The following RCOR3 variants were observed in gnomAD, a reference collection of about 807,000 sequenced individuals.
RCOR3 encodes the protein REST corepressor 3.
RCOR3 carries 13 observed loss-of-function variants against 64.1 expected under a neutral mutation model. That is an observed-to-expected ratio of 0.20 (90% CI 0.13 to 0.32). The LOEUF (loss-of-function observed/expected upper bound fraction) is 0.32, where lower values mean the gene tolerates loss of function less well. RCOR3 is among the 10% of genes least tolerant of loss of function. RCOR3 has a pLI of 1.00. For missense variants in RCOR3, 489 were observed against 701.2 expected, an observed-to-expected ratio of 0.70 and a Z score of 3.42; for synonymous variants, 215 against 239.0, an observed-to-expected ratio of 0.90 and a Z score of 0.93.
In RCOR3 at chr1:211,271,159, C is replaced by G. The variant is rs555014711; in HGVS notation, c.224-73C>G. 2.8e-3 allele frequency: 3,900 copies of G among 1,404,818 alleles called. 8 individuals are homozygous for G. The highest frequency in any genetic ancestry group is 3.3e-3 in the Non-Finnish European group (3,305 of 996,796). The allele number at this position is 1,404,818 out of a possible 1,614,324, so 87.0% of individuals were successfully genotyped here. Reference sequence around the variant, plus strand: ...GGCATGAGCCACCGTGCCTGGGCAGCTTACTTTGTTTCTACTTATTTTCAG... The same window carrying G: ...GGCATGAGCCACCGTGCCTGGGCAGGTTACTTTGTTTCTACTTATTTTCAG... On this transcript the variant is annotated intron_variant, in intron 2 of 11. Coordinates refer to ENST00000419091, the MANE Select transcript of RCOR3 (RefSeq NM_001136223.3).
At chr1:211,295,839 A>G (rs1699811704) in intron 9 of RCOR3, 86 bp downstream of exon 9, 1 of 893,268 alleles carries the variant, frequency 1.1e-6, no homozygotes, top group African/African-American at 1.7e-5. Context: ...TTTTGGTCAC[A>G]TGCATCATTA....
intron 10 of RCOR3, among the ~76,000 whole-genome samples, chr1:211,308,620 A>G (rs1701106099): frequency 6.8e-6 from 1 of 148,074 alleles, no homozygotes; most frequent in Admixed American, 6.7e-5. Context: ...CTGAAATTTC[A>G]CTACCCATAA....
intron 10 of RCOR3, among the ~76,000 whole-genome samples, chr1:211,306,461 T>A (rs1452141532): frequency 6.6e-6 from 1 of 152,168 alleles, no homozygotes; most frequent in African/African-American, 2.4e-5. Context: ...TATAGCACTT[T>A]ATATTCAAGA....
intron 4 of RCOR3, among the ~76,000 whole-genome samples, chr1:211,275,378 T>A (rs1221521241): frequency 6.6e-6 from 1 of 152,104 alleles, no homozygotes; most frequent in Non-Finnish European, 1.5e-5. Context: ...ATTTTGTTTT[T>A]AAGCCTTGTC....
At chr1:211,298,508 A>G (rs1389163974) in intron 9 of RCOR3, among the ~76,000 whole-genome samples, 1 of 152,224 alleles carries the variant, frequency 6.6e-6, no homozygotes, top group African/African-American at 2.4e-5. Context: ...TTATGTGCTC[A>G]TTATTGTGCT....
In RCOR3 at chr1:211,274,478, T is replaced by C. The variant is rs117821207; in HGVS notation, c.354+216T>C. Among the ~76,000 whole-genome samples, 107 of 152,250 alleles carry C rather than the reference T, an allele frequency of 7.0e-4. 1 individual carries two copies. The East Asian group carries it at 7.1e-3, about 10-fold the overall frequency. ...GGGCTTAAATGTTTTTCTTTCAATA[T>C]ATCTGTTTCTTATTCTACTTTGAGT... On this transcript the variant is annotated intron_variant, in intron 4 of 11. Coordinates refer to ENST00000419091, the MANE Select transcript of RCOR3 (RefSeq NM_001136223.3).
At position 211,312,129 on chromosome 1, in the gene RCOR3, G is replaced by C. The variant is rs1014709494; in HGVS notation, c.1076-591G>C. On this transcript the variant is annotated intron_variant, in intron 10 of 11. Transcript: ENST00000419091. The surrounding 1 kb of genome is among the most constrained non-coding windows in gnomAD (Gnocchi z 5.0). ...CTCTTTTTTCAAAATCCACCAACTT[G>C]TGATGATTCTCCTGCTTTTCATGTT... is the stretch of plus-strand genomic sequence containing the variant. 3 of 204,478 alleles carry C rather than the reference G, an allele frequency of 1.5e-5. No homozygotes were observed. Among genetic ancestry groups the C allele is most frequent in the African/African-American group, 6.9e-5 (3 of 43,328 alleles). 12.7% of individuals were successfully genotyped at this position (204,478 alleles called of 1,614,324 possible).
chr1:211,259,802 C>T, intron 1 of RCOR3, 76 bp downstream of exon 1: 2 of 1,276,596 alleles, frequency 1.6e-6, no homozygotes, highest in Non-Finnish European at 2.1e-6. Flanking sequence ...CCTCCCCTCG[C>T]CGCTCTCCCG....
intron 9 of RCOR3, among the ~76,000 whole-genome samples, chr1:211,298,035 T>G (rs1213455076): frequency 6.6e-6 from 1 of 152,220 alleles, no homozygotes; most frequent in African/African-American, 2.4e-5. Context: ...GAAAGTCCAT[T>G]CACTTCCACA....
In RCOR3 at chr1:211,312,310, C is replaced by T. The variant is rs1256236478; in HGVS notation, c.1076-410C>T. The T allele has an allele frequency of 6.6e-6, 3 of 457,534 alleles. No individual in the cohort carries two copies. The highest frequency in any genetic ancestry group is 1.3e-5 in the Non-Finnish European group (3 of 227,932). 28.3% of individuals were successfully genotyped at this position (457,534 alleles called of 1,614,324 possible). On this transcript the variant is annotated intron_variant, in intron 10 of 11. Transcript: ENST00000419091. This position sits in a 1 kb window ranked among gnomAD's most constrained non-coding sequence, Gnocchi z 5.0. ...CATTGAGGGGATAAGAGAGATGGCT[C>T]ATTCCCATCCAGTTTTGTTTACAAA...
intron 10 of RCOR3, among the ~76,000 whole-genome samples, chr1:211,309,374 C>G (rs1427420162): frequency 6.6e-6 from 1 of 152,142 alleles, no homozygotes; most frequent in Non-Finnish European, 1.5e-5. Flanking sequence ...TGTGGGCTTT[C>G]ATAAAATGTA....
chr1:211,308,394 A>T (rs1701081046), intron 10 of RCOR3, among the ~76,000 whole-genome samples: 1 of 152,130 alleles, frequency 6.6e-6, no homozygotes, highest in African/African-American at 2.4e-5. Context: ...TCTTGAAGAG[A>T]TTTACAGGAA....
At chr1:211,284,709 A>G (rs564696192) in intron 7 of RCOR3, among the ~76,000 whole-genome samples, 1 of 152,042 alleles carries the variant, frequency 6.6e-6, no homozygotes, top group South Asian at 2.1e-4. Flanking sequence ...TTTTGTAGAG[A>G]TGGGGTCTTG....
At chr1:211,279,422 GAT>G (rs1420818415) in intron 7 of RCOR3, 106 bp downstream of exon 7, 2 of 740,428 alleles carry the variant, frequency 2.7e-6, no homozygotes, top group Non-Finnish European at 2.2e-6. Flanking sequence ...TGCTTTATGA[GAT>G]AGTAAATTTC....
At chr1:211,271,625 T>C in intron 3 of RCOR3, 1 of 485,744 alleles carries the variant, frequency 2.1e-6, no homozygotes, top group South Asian at 1.6e-5. Flanking sequence ...CCCAGGCTTT[T>C]CCTCAGTATA....
chr1:211,288,496 T>C (rs6671197), intron 7 of RCOR3, among the ~76,000 whole-genome samples: 139,814 of 146,262 alleles, frequency 0.96, 66,891 homozygotes, highest in East Asian at 1. Context: ...TAAATATTTA[T>C]AAATTATTTT....
chr1:211,308,662 T>TG (rs1701121394), intron 10 of RCOR3, among the ~76,000 whole-genome samples: 1 of 49,872 alleles, frequency 2.0e-5, no homozygotes, highest in African/African-American at 6.2e-5. Flanking sequence ...TTTGGATGTG[T>TG]TTTTTTTTTT....
rs35962546 is a variant in RCOR3, at chr1:211,294,586, C to CTTTT, written c.940-1072_940-1069dup. On this transcript the variant is annotated intron_variant, in intron 8 of 11. Transcript: ENST00000419091. ...CACACTGACTTTTCTTTCTTTCTTT[C>CTTTT]TTTTTTTTTTTTTTTTTTTTTGAGA... is the stretch of plus-strand genomic sequence containing the variant. Among the ~76,000 whole-genome samples the CTTTT allele has an allele frequency of 1.2e-3, 105 of 87,974 alleles. 1 individual carries two copies. The highest frequency in any genetic ancestry group is 2.0e-3 in the African/African-American group (48 of 24,170). The allele number at this position is 87,974 out of a possible 152,430, so 57.7% of individuals were successfully genotyped here.
chr1:211,273,360 G>A (rs1310765430), intron 3 of RCOR3, among the ~76,000 whole-genome samples: 1 of 152,146 alleles, frequency 6.6e-6, no homozygotes, highest in Non-Finnish European at 1.5e-5. Flanking sequence ...CAAAAAAATA[G>A]CAATAAGCCG....
Sources: gnomAD v4.1 joint callset for allele counts (sites outside exome capture counted in the v4.1 genomes callset) on GRCh38, gnomAD v4.1.1 for gene constraint, Gnocchi (gnomAD v3.1) non-coding constraint, MANE v1.5 for transcripts, NCBI Gene and HGNC (gene_info 2026-07-23, HGNC 2026-07-21) for gene names.